The following NEDD4L variants were observed in gnomAD, a reference collection of about 807,000 sequenced individuals.
NEDD4L encodes the protein NEDD4 like E3 ubiquitin protein ligase.
In NEDD4L, 54 loss-of-function variants were observed where a neutral mutation model predicts 148.9. The ratio of observed to expected loss-of-function variants is 0.36; its 90% CI spans 0.29 to 0.45. The LOEUF (loss-of-function observed/expected upper bound fraction) is 0.45, where lower values mean the gene tolerates loss of function less well. Among genes scored for constraint, NEDD4L ranks in the 20% least tolerant of loss-of-function variants. NEDD4L has a pLI of 1.00. For synonymous variants in NEDD4L, 433 were observed against 440.7 expected, an observed-to-expected ratio of 0.98 and a Z score of 0.22; for missense variants, 856 against 1,233.8, an observed-to-expected ratio of 0.69 and a Z score of 4.59.
At chr18:58,118,685 T>C (rs538865446) in intron 1 of NEDD4L, among the ~76,000 whole-genome samples, 66 of 152,180 alleles carry the variant, frequency 4.3e-4, no homozygotes, top group African/African-American at 1.5e-3. Context: ...GCACTGAATC[T>C]TTGAAGATGT....
chr18:58,317,093 TACTC>T (rs1314688021), intron 6 of NEDD4L, among the ~76,000 whole-genome samples: 5 of 152,264 alleles, frequency 3.3e-5, no homozygotes, highest in East Asian at 1.9e-4. Context: ...AATTTACTCT[TACTC>T]ACTCAGGGGA....
At chr18:58,297,729 G>A (rs1755046179) in intron 5 of NEDD4L, among the ~76,000 whole-genome samples, 1 of 152,174 alleles carries the variant, frequency 6.6e-6, no homozygotes, top group South Asian at 2.1e-4. Flanking sequence ...TGGATGAGCT[G>A]AGTGGGCCCT....
chr18:58,199,365 T>C (rs2041130472), intron 2 of NEDD4L, among the ~76,000 whole-genome samples: 1 of 151,586 alleles, frequency 6.6e-6, no homozygotes, highest in African/African-American at 2.4e-5. Flanking sequence ...TTCAAGGGAG[T>C]GGGGTGTGAA....
chr18:58,114,086 G>A (rs934942307), intron 1 of NEDD4L, among the ~76,000 whole-genome samples: 6 of 152,142 alleles, frequency 3.9e-5, no homozygotes, highest in Admixed American at 3.9e-4. Flanking sequence ...AAATATGAAC[G>A]TAGGCCCTGG....
intron 5 of NEDD4L, among the ~76,000 whole-genome samples, chr18:58,307,076 C>T (rs1001139148): frequency 1.3e-5 from 2 of 152,176 alleles, no homozygotes; most frequent in African/African-American, 4.8e-5. Flanking sequence ...GTCCACTGGG[C>T]AGAGATGTGA....
chr18:58,388,878 T>C (rs2049407385), intron 27 of NEDD4L: 1 of 585,252 alleles, frequency 1.7e-6, no homozygotes. Context: ...AAGGTTCGAA[T>C]TGAGCTGCCC....
intron 8 of NEDD4L, among the ~76,000 whole-genome samples, chr18:58,323,715 C>CT (rs766589848): frequency 2.0e-5 from 3 of 152,048 alleles, no homozygotes; most frequent in Admixed American, 6.6e-5. Flanking sequence ...TAGAAAATCA[C>CT]TTTTTTTTCA....
At chr18:58,269,650 C>A (rs1568528526) in intron 5 of NEDD4L, among the ~76,000 whole-genome samples, 1 of 152,032 alleles carries the variant, frequency 6.6e-6, no homozygotes, top group African/African-American at 2.4e-5. Flanking sequence ...CCAGGTGGTA[C>A]TTCAGGGATT....
At chr18:58,207,990 C>G (rs1049679740) in intron 2 of NEDD4L, among the ~76,000 whole-genome samples, 3 of 152,058 alleles carry the variant, frequency 2.0e-5, no homozygotes, top group Non-Finnish European at 4.4e-5. Flanking sequence ...TTGCAGTGAG[C>G]CAAGGTCATG....
intron 5 of NEDD4L, among the ~76,000 whole-genome samples, chr18:58,252,864 A>G (rs977964800): frequency 1.3e-5 from 2 of 152,168 alleles, no homozygotes; most frequent in Non-Finnish European, 2.9e-5. Context: ...ATGAGCCACC[A>G]TGCCTGGCCA....
intron 5 of NEDD4L, among the ~76,000 whole-genome samples, chr18:58,255,210 AGT>A (rs886108383): frequency 1.4e-3 from 216 of 152,152 alleles, no homozygotes; most frequent in African/African-American, 4.9e-3. Flanking sequence ...CGTGGCTTGC[AGT>A]GTGTTTGCTG....
At chr18:58,319,206 C>A (rs576787313) in intron 6 of NEDD4L, among the ~76,000 whole-genome samples, 1 of 152,254 alleles carries the variant, frequency 6.6e-6, no homozygotes, top group African/African-American at 2.4e-5. Context: ...AGCCTGGGCC[C>A]AGAGAGGGAG....
intron 1 of NEDD4L, among the ~76,000 whole-genome samples, chr18:58,154,975 A>G (rs2035284279): frequency 6.6e-6 from 1 of 152,238 alleles, no homozygotes; most frequent in Admixed American, 6.5e-5. Context: ...TATTAAGTCC[A>G]TATTATGACA....
At chr18:58,181,464 C>T (rs1027932255) in intron 2 of NEDD4L, among the ~76,000 whole-genome samples, 2 of 152,206 alleles carry the variant, frequency 1.3e-5, no homozygotes, top group Non-Finnish European at 2.9e-5. Flanking sequence ...CAGAGCCTCT[C>T]TGTGTCACCA....
chr18:58,327,409 T>G (rs1297061831), intron 9 of NEDD4L, among the ~76,000 whole-genome samples: 2 of 152,154 alleles, frequency 1.3e-5, no homozygotes, highest in East Asian at 3.9e-4. Context: ...AAAATGCAGT[T>G]CTTAATCCAA....
rs753685851 is a variant in NEDD4L at position 58,333,815 on chromosome 18, C to T, written c.991-3C>T. 2.5e-6 allele frequency: 4 copies of T among 1,612,554 alleles called. No individual in the cohort carries two copies. In the Admixed American group the frequency reaches 6.7e-5, roughly 27 times the overall value. On this transcript the variant is annotated splice_region_variant and splice_polypyrimidine_tract_variant and intron_variant, in intron 11 of 30. Transcript: ENST00000400345. ...TGCTTCCTGTCTTTTCCTCTCCTTC[C>T]AGCAAAGAGAACCCTCCTCAAGGTT...
At chr18:58,223,814 A>G (rs292452) in intron 2 of NEDD4L, among the ~76,000 whole-genome samples, 147,204 of 152,316 alleles carry the variant, frequency 0.97, 71,289 homozygotes, top group Non-Finnish European at 1. Flanking sequence ...GCAGAAGCAC[A>G]TGTTCTCTGC....
intron 7 of NEDD4L, 82 bp from the exon 8 acceptor site, chr18:58,323,150 G>A: frequency 2.5e-6 from 2 of 794,270 alleles, no homozygotes; most frequent in East Asian, 5.4e-5. Flanking sequence ...GTGCTGTGGT[G>A]GTTGGCTTTT....
intron 24 of NEDD4L, among the ~76,000 whole-genome samples, chr18:58,379,820 A>G (rs1004516769): frequency 1.3e-5 from 2 of 152,080 alleles, no homozygotes; most frequent in African/African-American, 4.8e-5. Flanking sequence ...AGAGGGATGC[A>G]TTTCTGTACC....
Sources: allele counts gnomAD v4.1 joint callset (sites outside exome capture counted in the v4.1 genomes callset), GRCh38; gene constraint gnomAD v4.1.1; transcripts MANE v1.5; gene names NCBI Gene and HGNC (gene_info 2026-07-23, HGNC 2026-07-21).